JMJD1C: variants seen among roughly 807,000 people sequenced by gnomAD.
JMJD1C encodes jumonji domain containing 1C.
JMJD1C carries 31 observed loss-of-function variants against 245.3 expected under a neutral mutation model. The ratio of observed to expected loss-of-function variants is 0.13; its 90% confidence interval spans 0.09 to 0.17. The LOEUF is 0.17. JMJD1C is among the 10% of genes least tolerant of loss of function. The pLI is 1.00. For missense variants in JMJD1C, 2,691 were observed against 3,000.2 expected (o/e 0.90, Z 2.41); for synonymous variants, 1,057 against 1,017.4 (o/e 1.04, Z -0.74).
At chr10:63,425,445 A>G (rs1259719168) in intron 1 of JMJD1C, among the ~76,000 whole-genome samples, 1 of 150,106 alleles carries the variant, frequency 6.7e-6, no homozygotes, top group Non-Finnish European at 1.5e-5. Flanking sequence ...AATTCTCTAA[A>G]CCATGTCCAA....
rs1945560759 is a variant in JMJD1C, at chr10:63,363,326, T to C, written c.333+16992A>G. Among the ~76,000 whole-genome samples, 5 of 149,730 alleles carry C rather than the reference T, an allele frequency of 3.3e-5. No individual in the cohort carries two copies. The Admixed American group carries it at 3.3e-4, about 10-fold the overall frequency. On this transcript the variant is annotated intron_variant, in intron 2 of 25. Transcript: ENST00000399262. ...CAGGCTGGAGTGCAGCGGTACAATC[T>C]TGGCTCACTGCAACCTCTGCCTCCC...
chr10:63,388,980 TA>T (rs1403868781), intron 1 of JMJD1C, among the ~76,000 whole-genome samples: 4 of 152,046 alleles, frequency 2.6e-5, no homozygotes, highest in Non-Finnish European at 5.9e-5. Context: ...ATTCTAAACA[TA>T]TATGCACCAA....
At chr10:63,512,659 G>A (rs150092037) in intron 1 of JMJD1C, among the ~76,000 whole-genome samples, 1 of 152,220 alleles carries the variant, frequency 6.6e-6, no homozygotes, top group Admixed American at 6.5e-5. Context: ...AATATGGTGT[G>A]GCTAAGTGTA....
intron 2 of JMJD1C, among the ~76,000 whole-genome samples, chr10:63,274,552 G>A (rs1039844596): frequency 9.2e-5 from 14 of 151,436 alleles, no homozygotes; most frequent in African/African-American, 3.4e-4. Context: ...GTGACAGAGC[G>A]AGACTCAGTC....
At chr10:63,298,675 G>GT (rs1859714655) in intron 2 of JMJD1C, among the ~76,000 whole-genome samples, 1 of 152,114 alleles carries the variant, frequency 6.6e-6, no homozygotes, top group South Asian at 2.1e-4. Context: ...ATTTCAACCC[G>GT]TAACATATCT....
rs145210944 is a variant in JMJD1C at position 63,276,270 on chromosome 10, T to C, written c.334-11506A>G. 5.7e-3 allele frequency among the ~76,000 whole-genome samples: 872 copies of C among 151,834 alleles called. 4 individuals are homozygous for C. The highest frequency in any genetic ancestry group is 1.0e-2 in the Non-Finnish European group (677 of 67,940). Reference sequence around the variant, plus strand: ...TCACAAGGTCAGGAGATCGAGACCATCCTGGCTAAAACGGTGAAACCCCGT... The same window carrying C: ...TCACAAGGTCAGGAGATCGAGACCACCCTGGCTAAAACGGTGAAACCCCGT... On this transcript the variant is annotated intron_variant, in intron 2 of 25. Transcript: ENST00000399262.
intron 1 of JMJD1C, among the ~76,000 whole-genome samples, chr10:63,507,196 G>A (rs1297835994): frequency 6.6e-6 from 1 of 152,118 alleles, no homozygotes; most frequent in Non-Finnish European, 1.5e-5. Flanking sequence ...CCAAGTTTTG[G>A]TGATTATGAA....
At position 63,465,496 on chromosome 10, in the gene JMJD1C, G is replaced by C; in HGVS notation, c.167C>G (p.Ala56Gly). Reference sequence around the variant, plus strand: ...AAAGGGGGGCGCTGACTCTCTTACCGCCAGGTCCGGATTGCGGCTGTCCCT... The same window carrying C: ...AAAGGGGGGCGCTGACTCTCTTACCCCCAGGTCCGGATTGCGGCTGTCCCT... ...SHRDSRNPDL[A>G]VYVEFDDLEW... Residue 56 changes from alanine (A) to glycine (G), a missense_variant and splice_region_variant, in exon 1 of 26, where the codon GCG (alanine) becomes GGG (glycine). Around this residue, in one of 9 missense-constraint regions of JMJD1C, gnomAD observed 135 missense variants for 115.5 expected, o/e 1.17. Coordinates refer to ENST00000399262, the MANE Select transcript of JMJD1C (RefSeq NM_032776.3). The C allele has an allele frequency of 6.2e-7, 1 of 1,600,766 alleles. No homozygotes were observed. The highest frequency in any genetic ancestry group is 8.5e-7 in the Non-Finnish European group (1 of 1,176,218).
chr10:63,411,157 C>A (rs1452283251), intron 1 of JMJD1C, among the ~76,000 whole-genome samples: 1 of 152,084 alleles, frequency 6.6e-6, no homozygotes, highest in Non-Finnish European at 1.5e-5. Flanking sequence ...AGTTCAACAA[C>A]AGGAAAATCT....
At chr10:63,308,145 C>T (rs1564764801) in intron 2 of JMJD1C, among the ~76,000 whole-genome samples, 1 of 151,470 alleles carries the variant, frequency 6.6e-6, no homozygotes, top group South Asian at 2.1e-4. Context: ...AGTGAGACTC[C>T]ATCTCAAAAG....
At position 63,194,258 on chromosome 10, in the gene JMJD1C, TTATATTACATGAA is replaced by T. The variant is rs1450316503; in HGVS notation, c.5734+15_5734+27del. The T allele has an allele frequency of 2.2e-6, 3 of 1,385,384 alleles. No homozygotes were observed. In the African/African-American group the frequency reaches 4.3e-5, roughly 20 times the overall value. The allele number at this position is 1,385,384 out of a possible 1,614,324, so 85.8% of individuals were successfully genotyped here. On this transcript the variant is annotated intron_variant, in intron 14 of 25. Coordinates refer to ENST00000399262, the MANE Select transcript of JMJD1C (RefSeq NM_032776.3). ...CTTAATCTGGAGCAACCAAGAGCAG[TTATATTACATGAA>T]GAAGATATACTTACCAGAACCAGGT...
intron 1 of JMJD1C, among the ~76,000 whole-genome samples, chr10:63,479,269 CTCT>C (rs1299012982): frequency 6.8e-6 from 1 of 146,488 alleles, no homozygotes; most frequent in African/African-American, 2.5e-5. Context: ...CTTATTTCTT[CTCT>C]TTTTTTTTTT....
intron 1 of JMJD1C, among the ~76,000 whole-genome samples, chr10:63,450,752 T>C (rs1374346031): frequency 1.3e-5 from 2 of 152,218 alleles, no homozygotes; most frequent in African/African-American, 4.8e-5. Flanking sequence ...TTCTCTAAGA[T>C]CAAGAGCAAG....
intron 1 of JMJD1C, among the ~76,000 whole-genome samples, chr10:63,457,925 G>A (rs1488264821): frequency 6.6e-6 from 1 of 152,136 alleles, no homozygotes; most frequent in Non-Finnish European, 1.5e-5. Context: ...ATTGTGAGCT[G>A]CTGTTTTTCT....
intron 8 of JMJD1C, among the ~76,000 whole-genome samples, chr10:63,211,982 T>C (rs1847416294): frequency 7.2e-6 from 1 of 138,900 alleles, no homozygotes; most frequent in South Asian, 2.5e-4. Flanking sequence ...CAGTGGAATA[T>C]TATACAGCCT....
chr10:63,189,071 T>C (rs1844461732), intron 18 of JMJD1C, 97 bp downstream of exon 18: 1 of 1,028,352 alleles, frequency 9.7e-7, no homozygotes, highest in Non-Finnish European at 1.4e-6. Context: ...TAACCACTAT[T>C]TTTCCCCCCT....
chr10:63,368,370 T>C (rs1946025871), intron 2 of JMJD1C, among the ~76,000 whole-genome samples: 3 of 152,126 alleles, frequency 2.0e-5, no homozygotes, highest in African/African-American at 7.2e-5. Context: ...TTCACGAACA[T>C]GGAGACCTTA....
chr10:63,336,076 G>C (rs562824930), intron 2 of JMJD1C, among the ~76,000 whole-genome samples: 1 of 151,976 alleles, frequency 6.6e-6, no homozygotes, highest in Non-Finnish European at 1.5e-5. Context: ...AGCGGAGATC[G>C]CACCACTGCA....
chr10:63,280,962 C>CTT (rs200324748), intron 2 of JMJD1C, among the ~76,000 whole-genome samples: 6 of 143,788 alleles, frequency 4.2e-5, no homozygotes, highest in African/African-American at 5.1e-5. Context: ...ACCTCTTTTT[C>CTT]TTTTTTTTTT....
Sources: gnomAD v4.1 joint callset for allele counts (sites outside exome capture counted in the v4.1 genomes callset) on GRCh38, gnomAD v4.1.1 for gene constraint, gnomAD v4.1.1 regional missense constraint, MANE v1.5 for transcripts, NCBI Gene and HGNC (gene_info 2026-07-23, HGNC 2026-07-21) for gene names.